Variants in NTRK3 observed in about 807,000 individuals in gnomAD.
NTRK3 encodes the protein NT-3 growth factor receptor.
In NTRK3, 24 loss-of-function variants were observed where a neutral mutation model predicts 91.7. The observed-to-expected ratio is 0.26, with a 90% CI of 0.19 to 0.37. NTRK3 has a LOEUF of 0.37. Ranked by LOEUF, NTRK3 falls within the 10% of genes least tolerant of loss-of-function variation. The probability of loss-of-function intolerance (pLI) is 1.00; values close to 1 mark genes in which losing one functional copy is unlikely to be tolerated. For synonymous variants in NTRK3, 483 were observed against 404.0 expected (o/e 1.20, Z -2.34); for missense variants, 880 against 1,068.9 (o/e 0.82, Z 2.46).
At chr15:88,093,557 T>C (rs1056721756) in intron 13 of NTRK3, among the ~76,000 whole-genome samples, 1 of 152,192 alleles carries the variant, frequency 6.6e-6, no homozygotes, top group South Asian at 2.1e-4. Flanking sequence ...AGGATTTAAA[T>C]AGACAGGCTC....
intron 13 of NTRK3, among the ~76,000 whole-genome samples, chr15:88,110,369 T>C (rs189750445): frequency 1.3e-5 from 2 of 152,190 alleles, no homozygotes; most frequent in East Asian, 3.8e-4. Flanking sequence ...AGCTGTTGGA[T>C]GGAGGAGAAC....
At chr15:88,033,154 T>G (rs1295068023) in intron 13 of NTRK3, 109 bp from the exon 14 acceptor site, 5 of 759,388 alleles carry the variant, frequency 6.6e-6, no homozygotes, top group Non-Finnish European at 1.0e-5. Flanking sequence ...ACATTTTCTT[T>G]TTTTTACTTT....
intron 6 of NTRK3, among the ~76,000 whole-genome samples, chr15:88,142,472 G>A (rs916297908): frequency 1.3e-5 from 2 of 152,214 alleles, no homozygotes; most frequent in African/African-American, 4.8e-5. Flanking sequence ...GGCCACCACT[G>A]GATATTTAGA....
chr15:87,950,884 G>A (rs1191346746), intron 14 of NTRK3, among the ~76,000 whole-genome samples: 1 of 152,164 alleles, frequency 6.6e-6, no homozygotes, highest in Admixed American at 6.5e-5. Flanking sequence ...ATCTTTAAAT[G>A]AAGAGATTAA....
At chr15:87,925,337 A>G (rs1280741143) in intron 17 of NTRK3, among the ~76,000 whole-genome samples, 1 of 152,168 alleles carries the variant, frequency 6.6e-6, no homozygotes, top group Non-Finnish European at 1.5e-5. Flanking sequence ...TAACAAATTA[A>G]AAATGAAAAA....
chr15:87,934,323 C>T (rs145949052), intron 15 of NTRK3, among the ~76,000 whole-genome samples: 1 of 152,192 alleles, frequency 6.6e-6, no homozygotes, highest in Non-Finnish European at 1.5e-5. Flanking sequence ...AGACACAACA[C>T]AAGGTAATGA....
intron 11 of NTRK3, among the ~76,000 whole-genome samples, chr15:88,128,217 C>T (rs1340263797): frequency 6.6e-6 from 1 of 152,202 alleles, no homozygotes; most frequent in Non-Finnish European, 1.5e-5. Flanking sequence ...CACTTATAAA[C>T]TGAGCCTCAA....
In NTRK3 at chr15:87,890,962, C is replaced by T. The variant is rs540130134; in HGVS notation, c.2134-10534G>A. 2.1e-3 allele frequency among the ~76,000 whole-genome samples: 321 copies of T among 152,250 alleles called. 1 individual carries two copies. Among genetic ancestry groups the T allele is most frequent in the Non-Finnish European group, 3.9e-3 (267 of 68,006 alleles). On this transcript the variant is annotated intron_variant, in intron 17 of 18. Coordinates refer to ENST00000394480, the Ensembl canonical transcript of NTRK3. The stretch of plus-strand genomic sequence containing the variant: ...AAAAATTTCTTAAGAGAAAAAATAT[C>T]ATGACTTCTTATTGATTTTTCTCAT...
chr15:88,255,948 G>T lies in NTRK3; in HGVS notation c.206C>A (p.Ala69Asp). The T allele has an allele frequency of 6.2e-7, 1 of 1,613,502 alleles. No individual in the cohort carries two copies. Among genetic ancestry groups the T allele is most frequent in the East Asian group, 2.2e-5 (1 of 44,804 alleles). ...TGAGATGTCCGTGATGTTGATACTG[G>T]CGTTCCCATTGCTGTTCCCTGAATC... The change falls in exon 3 of 19, where the codon GCC becomes GAC. Residue 69 changes from alanine (A) to aspartate (D), a missense_variant. Coordinates refer to ENST00000394480, the Ensembl canonical transcript of NTRK3. This position sits in a 1 kb window ranked among gnomAD's most constrained non-coding sequence, Gnocchi z 4.3.
At chr15:87,961,550 T>A (rs1306561329) in intron 14 of NTRK3, among the ~76,000 whole-genome samples, 2 of 152,266 alleles carry the variant, frequency 1.3e-5, no homozygotes, top group Non-Finnish European at 2.9e-5. Flanking sequence ...CCGATTGGCA[T>A]ACCAGCTACA....
intron 13 of NTRK3, among the ~76,000 whole-genome samples, chr15:88,090,849 A>G (rs1054840345): frequency 3.3e-5 from 5 of 151,998 alleles, no homozygotes; most frequent in Non-Finnish European, 5.9e-5. Context: ...TCAGCCCTAA[A>G]TGTGAAAAAA....
intron 17 of NTRK3, among the ~76,000 whole-genome samples, chr15:87,898,437 G>C (rs2066258506): frequency 6.6e-6 from 1 of 152,134 alleles, no homozygotes; most frequent in African/African-American, 2.4e-5. Context: ...CAAAAGCGGG[G>C]CTTAGACACT....
chr15:87,889,709 G>A (rs2065752337), intron 17 of NTRK3, among the ~76,000 whole-genome samples: 1 of 152,008 alleles, frequency 6.6e-6, no homozygotes, highest in African/African-American at 2.4e-5. Flanking sequence ...TTACAGAGTT[G>A]GGTGGCCCCT....
intron 11 of NTRK3, 45 bp downstream of exon 11, chr15:88,128,666 T>C (rs2053528642): frequency 1.3e-6 from 2 of 1,598,030 alleles, no homozygotes; most frequent in Non-Finnish European, 1.7e-6. Flanking sequence ...TTACCGATAG[T>C]ATCAGAATAA....
At chr15:87,917,180 C>G (rs894642594) in intron 17 of NTRK3, among the ~76,000 whole-genome samples, 1 of 152,190 alleles carries the variant, frequency 6.6e-6, no homozygotes, top group Non-Finnish European at 1.5e-5. Context: ...AACATACTTA[C>G]CTTGTAGCAG....
chr15:87,979,234 T>C, intron 14 of NTRK3: 1 of 862,500 alleles, frequency 1.2e-6, no homozygotes, highest in South Asian at 1.3e-5. Context: ...GCTCATGCAG[T>C]TTCTACTTAG....
rs139583264 is a variant in NTRK3, at chr15:88,176,136, C to CTT, written c.395+7280_395+7281dup. Among the ~76,000 whole-genome samples the CTT allele has an allele frequency of 3.4e-3, 392 of 116,052 alleles. 13 individuals carry two copies. The highest frequency in any genetic ancestry group is 0.01 in the Middle Eastern group (2 of 192). The allele number at this position is 116,052 out of a possible 152,430, so 76.1% of individuals were successfully genotyped here. On this transcript the variant is annotated intron_variant, in intron 5 of 18. Transcript: ENST00000394480. ...TGTAATATTTGCCTATATGCCCCTT[C>CTT]TTTTTTTTTTTTTTTTTTTGAGACA...
At chr15:88,048,521 G>T (rs575927357) in intron 13 of NTRK3, among the ~76,000 whole-genome samples, 1 of 152,212 alleles carries the variant, frequency 6.6e-6, no homozygotes, top group Admixed American at 6.5e-5. Flanking sequence ...GTTTTTCCTG[G>T]TGTCTGCAGG....
At chr15:88,068,070 C>T (rs1402063964) in intron 13 of NTRK3, among the ~76,000 whole-genome samples, 1 of 152,114 alleles carries the variant, frequency 6.6e-6, no homozygotes, top group East Asian at 1.9e-4. Context: ...TGTTTAATGA[C>T]TAAACATAAC....
Sources: allele counts gnomAD v4.1 joint callset (sites outside exome capture counted in the v4.1 genomes callset), GRCh38; gene constraint gnomAD v4.1.1; non-coding constraint Gnocchi (gnomAD v3.1); transcripts MANE v1.5; gene names NCBI Gene and HGNC (gene_info 2026-07-23, HGNC 2026-07-21).